Variants in SCEL observed in about 807,000 individuals in gnomAD.
SCEL encodes the protein sciellin.
A neutral mutation model predicts 117.6 loss-of-function variants in SCEL; 113 were observed. The observed-to-expected ratio is 0.96, with a 90% CI of 0.83 to 1.12. The LOEUF is 1.12. Among genes scored for constraint, SCEL ranks in the 50% most tolerant of loss-of-function variants. The pLI, the probability that SCEL is intolerant of heterozygous loss-of-function variation, is 0.00. For synonymous variants in SCEL, 270 were observed against 256.2 expected (o/e 1.05, Z -0.51); for missense variants, 785 against 810.8 (o/e 0.97, Z 0.39).
chr13:77,583,510 T>A (rs2086382194), intron 9 of SCEL, among the ~76,000 whole-genome samples: 1 of 152,190 alleles, frequency 6.6e-6, no homozygotes, highest in Admixed American at 6.5e-5. Flanking sequence ...TCATATACTG[T>A]TGTGTGTCCT....
chr13:77,593,295 T>TGTGCGCACGCGC (rs796907419), intron 11 of SCEL, among the ~76,000 whole-genome samples: 1 of 136,784 alleles, frequency 7.3e-6, no homozygotes, highest in African/African-American at 2.8e-5. Context: ...TGTGTGTGTG[T>TGTGCGCACGCGC]GTCTGTGTGT....
intron 31 of SCEL, among the ~76,000 whole-genome samples, chr13:77,641,690 A>G (rs1181652447): frequency 6.6e-6 from 1 of 152,192 alleles, no homozygotes; most frequent in Non-Finnish European, 1.5e-5. Flanking sequence ...TGGAGAAACT[A>G]TGGGCCAAAT....
chr13:77,606,427 A>T (rs1462951597), intron 19 of SCEL: 10 of 152,232 alleles, frequency 6.6e-5, no homozygotes, highest in Non-Finnish European at 1.5e-4. Context: ...CTAAAAATAT[A>T]GTTAAAGCAA....
intron 1 of SCEL, among the ~76,000 whole-genome samples, chr13:77,538,401 C>G (rs1360439770): frequency 6.6e-6 from 1 of 152,148 alleles, no homozygotes; most frequent in Non-Finnish European, 1.5e-5. Flanking sequence ...ACAGGCATAG[C>G]CAATGCGCCC....
At chr13:77,618,190 T>TTTCC (rs888737488) in intron 27 of SCEL, 130 bp downstream of exon 27, 17 of 738,176 alleles carry the variant, frequency 2.3e-5, no homozygotes, top group South Asian at 1.8e-4. Context: ...TTTTTCTTTC[T>TTTCC]TTCCTTCCTT....
rs190429707 is a variant in SCEL at position 77,538,306 on chromosome 13, G to A, written c.-20+2482G>A. Among the ~76,000 whole-genome samples the A allele has an allele frequency of 4.0e-3, 611 of 151,970 alleles. 20 individuals are homozygous for A. The highest frequency in any genetic ancestry group is 1.2e-3 in the Non-Finnish European group (80 of 67,954). ...TAATTTTTCTATTTTTAGTATAGACGGGGTTTCACCATGTTGGCCAGGCTG... is the reference window on the plus strand; with the variant it reads ...TAATTTTTCTATTTTTAGTATAGACAGGGTTTCACCATGTTGGCCAGGCTG... On this transcript the variant is annotated intron_variant, in intron 1 of 32. Transcript: ENST00000349847.
intron 6 of SCEL, 57 bp downstream of exon 6, chr13:77,567,805 A>T: frequency 9.1e-7 from 1 of 1,100,618 alleles, no homozygotes; most frequent in East Asian, 2.5e-5. Context: ...TCTAAGTGTT[A>T]CCTATGTACT....
chr13:77,613,810 A>G, intron 23 of SCEL, 83 bp from the exon 24 acceptor site: 1 of 1,023,794 alleles, frequency 9.8e-7, no homozygotes, highest in East Asian at 2.4e-5. Context: ...TTACACTAGG[A>G]TTCTATTGAA....
intron 6 of SCEL, among the ~76,000 whole-genome samples, 175 bp downstream of exon 6, chr13:77,567,923 G>C (rs930104301): frequency 2.0e-4 from 30 of 152,200 alleles, no homozygotes; most frequent in African/African-American, 5.5e-4. Context: ...AGAATCAAGA[G>C]CACTTGTAGC....
intron 9 of SCEL, among the ~76,000 whole-genome samples, chr13:77,583,019 C>T (rs1302167649): frequency 6.6e-6 from 1 of 152,178 alleles, no homozygotes; most frequent in African/African-American, 2.4e-5. Flanking sequence ...ATCTTTGTAT[C>T]TACTGACCAA....
intron 30 of SCEL, among the ~76,000 whole-genome samples, chr13:77,637,906 A>G (rs1396258863): frequency 6.6e-6 from 1 of 152,150 alleles, no homozygotes; most frequent in Non-Finnish European, 1.5e-5. Context: ...TTTACCATTC[A>G]ATGTTCAGTG....
At chr13:77,549,955 A>G (rs1005681144) in intron 1 of SCEL, among the ~76,000 whole-genome samples, 3 of 151,366 alleles carry the variant, frequency 2.0e-5, no homozygotes, top group Non-Finnish European at 2.9e-5. Context: ...CACGGGCCAT[A>G]TAAGAGTGTC....
At chr13:77,588,210 A>G (rs1355574239) in intron 9 of SCEL, among the ~76,000 whole-genome samples, 1 of 152,210 alleles carries the variant, frequency 6.6e-6, no homozygotes. Context: ...ATGTTTGTTG[A>G]GTAAAAACAC....
In SCEL at chr13:77,563,846, A is replaced by G. The variant is rs768126147; in HGVS notation, c.237A>G (p.Arg79=). 3.1e-6 allele frequency: 5 copies of G among 1,597,300 alleles called. No individual in the cohort carries two copies. The highest frequency in any genetic ancestry group is 3.4e-6 in the Non-Finnish European group (4 of 1,174,730). The change falls in exon 5 of 33, where the codon AGA becomes AGG. Residue 79 remains arginine (R), a synonymous_variant. Coordinates refer to ENST00000349847, the MANE Select transcript of SCEL (RefSeq NM_144777.3). ...HDALDRKVNE[R]DVPKATISRY... ...TTTGCTACAGGAAAGTAAATGAGAG[A>G]GATGTGCCAAAAGCTACAATTAGTC...
At chr13:77,542,455 G>C (rs2083760615) in intron 1 of SCEL, among the ~76,000 whole-genome samples, 1 of 152,150 alleles carries the variant, frequency 6.6e-6, no homozygotes, top group Admixed American at 6.5e-5. Flanking sequence ...TTGTATGGTA[G>C]GGGCTTTCAT....
At chr13:77,580,204 T>C (rs1336566206) in intron 9 of SCEL, among the ~76,000 whole-genome samples, 3 of 152,190 alleles carry the variant, frequency 2.0e-5, no homozygotes, top group Non-Finnish European at 2.9e-5. Context: ...CAAAAGAAAG[T>C]GCAAGTGTCA....
rs757469266 is a variant in SCEL at position 77,642,857 on chromosome 13, C to T, written c.2050+49C>T. ...TAACACTTTGGTTAACCTTAATGAG[C>T]ATTTGGTATCATTTAAAATGATGTA... is the stretch of plus-strand genomic sequence containing the variant. On this transcript the variant is annotated intron_variant, in intron 32 of 32. Transcript: ENST00000349847. The T allele has an allele frequency of 2.5e-5, 23 of 905,862 alleles. No homozygotes were observed. In the Admixed American group the frequency reaches 5.4e-4, roughly 21 times the overall value. 56.1% of individuals were successfully genotyped at this position (905,862 alleles called of 1,614,324 possible). A position where few individuals can be genotyped will look rare whatever the true frequency, so the allele number is the denominator to read the frequency against.
At chr13:77,588,154 C>T (rs1379946862) in intron 9 of SCEL, among the ~76,000 whole-genome samples, 1 of 152,092 alleles carries the variant, frequency 6.6e-6, no homozygotes, top group Non-Finnish European at 1.5e-5. Context: ...AAGGACATTA[C>T]CCAGCTCACA....
In SCEL at chr13:77,548,551, T is replaced by G. The variant is rs191926169; in HGVS notation, c.-19-7306T>G. ...CAGGAAGTCTGTATAAACATCAGCGTGCATCTTTAACTCTCTGATATGGTT... is the reference window on the plus strand; with the variant it reads ...CAGGAAGTCTGTATAAACATCAGCGGGCATCTTTAACTCTCTGATATGGTT... On this transcript the variant is annotated intron_variant, in intron 1 of 32. Transcript: ENST00000349847. Among the ~76,000 whole-genome samples the G allele has an allele frequency of 2.6e-5, 4 of 152,310 alleles. No homozygotes were observed. The East Asian group carries it at 7.7e-4, about 29-fold the overall frequency.
Sources: allele counts gnomAD v4.1 joint callset (sites outside exome capture counted in the v4.1 genomes callset), GRCh38; gene constraint gnomAD v4.1.1; transcripts MANE v1.5; gene names NCBI Gene and HGNC (gene_info 2026-07-23, HGNC 2026-07-21).